MARCHF7: variants seen among roughly 807,000 people sequenced by gnomAD.
The protein encoded by MARCHF7 is E3 ubiquitin-protein ligase MARCHF7.
In MARCHF7, 20 loss-of-function variants were observed where a neutral mutation model predicts 76.5. The observed-to-expected ratio is 0.26, with a 90% CI of 0.18 to 0.38. The LOEUF (loss-of-function observed/expected upper bound fraction) is 0.38. Among genes scored for constraint, MARCHF7 ranks in the 10% least tolerant of loss-of-function variants. The pLI, the probability that MARCHF7 is intolerant of heterozygous loss-of-function variation, is 1.00. For synonymous variants in MARCHF7, 295 were observed against 293.0 expected (o/e 1.01, Z -0.07); for missense variants, 797 against 812.9 (o/e 0.98, Z 0.24).
intron 3 of MARCHF7, among the ~76,000 whole-genome samples, chr2:159,727,099 CTA>C (rs1244023769): frequency 6.6e-6 from 1 of 152,130 alleles, no homozygotes; most frequent in Non-Finnish European, 1.5e-5. Flanking sequence ...TGATGCATAA[CTA>C]TGCATACAAT....
intron 3 of MARCHF7, among the ~76,000 whole-genome samples, chr2:159,717,944 G>A (rs1044063517): frequency 6.6e-6 from 1 of 152,156 alleles, no homozygotes; most frequent in African/African-American, 2.4e-5. Context: ...TTTGAAAGAT[G>A]TTTTACTATG....
At chr2:159,718,931 A>G (rs1701323205) in intron 3 of MARCHF7, among the ~76,000 whole-genome samples, 1 of 152,140 alleles carries the variant, frequency 6.6e-6, no homozygotes. Flanking sequence ...CGTCAGCCAC[A>G]CTGCTCTCCA....
intron 6 of MARCHF7, 35 bp from the exon 7 acceptor site, chr2:159,747,770 T>C: frequency 1.3e-6 from 2 of 1,523,372 alleles, no homozygotes; most frequent in Admixed American, 2.3e-5. Context: ...GCTCAAATTA[T>C]TTCATGTAAT....
chr2:159,734,539 A>AAT (rs1703222450), intron 4 of MARCHF7, among the ~76,000 whole-genome samples: 1 of 152,222 alleles, frequency 6.6e-6, no homozygotes, highest in Non-Finnish European at 1.5e-5. Context: ...GAGAGTAATA[A>AAT]ATATGGAGAG....
chr2:159,745,795 T>G lies in MARCHF7; in HGVS notation c.372T>G (p.Val124=). ...LSDSSWRHSQ[V]PRSSSMVLGS... ...ATTCATCTTGGAGGCATAGTCAAGT[T>G]CCTAGATCTTCATCAATGGTACTTG... Residue 124 remains valine, a synonymous_variant, in exon 6 of 12, where the codon GTT becomes GTG. Transcript: ENST00000409175. The G allele has an allele frequency of 6.2e-7, 1 of 1,608,322 alleles. No homozygotes were observed. The highest frequency in any genetic ancestry group is 8.5e-7 in the Non-Finnish European group (1 of 1,177,996).
chr2:159,751,009 T>TA (rs1238910318), intron 7 of MARCHF7, among the ~76,000 whole-genome samples: 2 of 152,232 alleles, frequency 1.3e-5, no homozygotes, highest in African/African-American at 2.4e-5. Flanking sequence ...ATGTGGCTGT[T>TA]ATTTTCCTGC....
At position 159,769,901 on chromosome 2, in the gene MARCHF7, C is replaced by T. The variant is rs1708079947; in HGVS notation, c.*2559C>T. ...GTTGCCCAGTACAGTAGCCACTAAC[C>T]ACCTGTGATTTGAACACTTGACAAT... On this transcript the variant is annotated 3_prime_UTR_variant, in exon 12 of 12. Coordinates refer to ENST00000409175, the MANE Select transcript of MARCHF7 (RefSeq NM_001282805.2). 6.6e-6 allele frequency: 1 copy of T among 152,156 alleles called. No individual in the cohort carries two copies. Among genetic ancestry groups the T allele is most frequent in the Non-Finnish European group, 1.5e-5 (1 of 68,014 alleles). 9.4% of individuals were successfully genotyped at this position (152,156 alleles called of 1,614,324 possible).
chr2:159,731,719 A>T (rs1031210214), intron 4 of MARCHF7, among the ~76,000 whole-genome samples: 1 of 151,462 alleles, frequency 6.6e-6, no homozygotes, highest in Non-Finnish European at 1.5e-5. Context: ...GCGCCATTGC[A>T]CTCCAGCCTG....
intron 5 of MARCHF7, among the ~76,000 whole-genome samples, chr2:159,743,979 T>TTTTTTTTC: frequency 4.2e-5 from 1 of 24,008 alleles, no homozygotes; most frequent in Non-Finnish European, 8.2e-5. Flanking sequence ...GAGTTCTTTT[T>TTTTTTTTC]TTTTTTTTTT....
chr2:159,725,515 CTTTTTTA>C (rs1702067080), intron 3 of MARCHF7, among the ~76,000 whole-genome samples: 1 of 151,778 alleles, frequency 6.6e-6, no homozygotes, highest in Admixed American at 6.6e-5. Context: ...CCTTCGCCCA[CTTTTTTA>C]TAGGGTTGTT....
At chr2:159,722,734 AC>A (rs1701771137) in intron 3 of MARCHF7, among the ~76,000 whole-genome samples, 1 of 152,240 alleles carries the variant, frequency 6.6e-6, no homozygotes, top group African/African-American at 2.4e-5. Context: ...CTTTTGACCT[AC>A]AACTTACGCA....
intron 4 of MARCHF7, among the ~76,000 whole-genome samples, chr2:159,732,260 A>C (rs1702900358): frequency 6.6e-6 from 1 of 152,162 alleles, no homozygotes; most frequent in Non-Finnish European, 1.5e-5. Flanking sequence ...AAAATTCAAA[A>C]ATTACTTGCA....
rs189311462 is a variant in MARCHF7, at chr2:159,721,404, C to T, written c.-15+5638C>T. Reference sequence around the variant, plus strand: ...ATAAATTGTTGAATTGGTATGAATACAGGTTTTTTACTCTTGTTGCTGTGT... The same window carrying T: ...ATAAATTGTTGAATTGGTATGAATATAGGTTTTTTACTCTTGTTGCTGTGT... On this transcript the variant is annotated intron_variant, in intron 3 of 11. Transcript: ENST00000409175. Among the ~76,000 whole-genome samples the T allele has an allele frequency of 5.9e-3, 896 of 152,226 alleles. 7 individuals carry two copies. The highest frequency in any genetic ancestry group is 7.1e-3 in the Non-Finnish European group (484 of 68,010).
At chr2:159,749,738 G>GGC (rs1705387920) in intron 7 of MARCHF7, among the ~76,000 whole-genome samples, 1 of 113,008 alleles carries the variant, frequency 8.8e-6, no homozygotes, top group African/African-American at 3.2e-5. Context: ...TGGTTGGGGC[G>GGC]GGGGGGGCGG....
intron 4 of MARCHF7, 61 bp from the exon 5 acceptor site, chr2:159,743,000 G>C: frequency 7.2e-7 from 1 of 1,390,134 alleles, no homozygotes; most frequent in Non-Finnish European, 9.9e-7. Context: ...AGAGGACTGT[G>C]GGTTAAATTT....
chr2:159,737,828 G>T (rs1041331278), intron 4 of MARCHF7, among the ~76,000 whole-genome samples: 1 of 152,180 alleles, frequency 6.6e-6, no homozygotes, highest in Non-Finnish European at 1.5e-5. Context: ...GTGTTGGTAA[G>T]TGGTGGAGAA....
rs754963746 is a variant in MARCHF7 at position 159,748,642 on chromosome 2, C to T, written c.1352C>T (p.Ser451Phe). Residue 451 changes from serine (S) to phenylalanine (F), a missense_variant, in exon 7 of 12, where the codon TCT becomes TTT. Around this residue, in one of 3 missense-constraint regions of MARCHF7, gnomAD observed 643 missense variants for 631.5 expected, o/e 1.02. Coordinates refer to ENST00000409175, the MANE Select transcript of MARCHF7 (RefSeq NM_001282805.2). ...GCTGCTGCCAACAGACCACAAGCATCTGCAGCATCAAGCAGTGCCACAACA... is the reference window on the plus strand; with the variant it reads ...GCTGCTGCCAACAGACCACAAGCATTTGCAGCATCAAGCAGTGCCACAACA... The part of the protein sequence containing the change: ...LGAAANRPQA[S>F]AASSSATTGG... The T allele has an allele frequency of 6.2e-7, 1 of 1,614,228 alleles. No homozygotes were observed. The highest frequency in any genetic ancestry group is 8.5e-7 in the Non-Finnish European group (1 of 1,180,040).
chr2:159,768,234 TGGTCCTTTTTA>T lies in MARCHF7; in HGVS notation c.*893_*903del, dbSNP rs1466378826. 6.6e-6 allele frequency: 1 copy of T among 151,442 alleles called. No individual in the cohort carries two copies. Among genetic ancestry groups the T allele is most frequent in the Non-Finnish European group, 1.5e-5 (1 of 67,290 alleles). 9.4% of individuals were successfully genotyped at this position (151,442 alleles called of 1,614,324 possible). ...ATATATAAATAACCTGTTTGGATCC[TGGTCCTTTTTA>T]ACTGTTCCTTGGTAATTCTGAGCAT... On this transcript the variant is annotated 3_prime_UTR_variant, in exon 12 of 12. Coordinates refer to ENST00000409175, the MANE Select transcript of MARCHF7 (RefSeq NM_001282805.2).
intron 5 of MARCHF7, among the ~76,000 whole-genome samples, chr2:159,744,934 C>T (rs1014100000): frequency 2.6e-5 from 4 of 152,136 alleles, no homozygotes; most frequent in Non-Finnish European, 5.9e-5. Flanking sequence ...AATAAAATTA[C>T]GATAACTGTA....
Sources: gnomAD v4.1 joint callset for allele counts (sites outside exome capture counted in the v4.1 genomes callset) on GRCh38, gnomAD v4.1.1 for gene constraint, gnomAD v4.1.1 regional missense constraint, MANE v1.5 for transcripts, NCBI Gene and HGNC (gene_info 2026-07-23, HGNC 2026-07-21) for gene names.